Variants in TMEM38A observed in about 807,000 individuals in gnomAD.
TMEM38A encodes trimeric intracellular cation channel type A.
In TMEM38A, 17 loss-of-function variants were observed where a neutral mutation model predicts 28.6. That is an observed-to-expected ratio of 0.60 (90% CI 0.41 to 0.89). The LOEUF (loss-of-function observed/expected upper bound fraction) is 0.89, where lower values mean the gene tolerates loss of function less well. Ranked by LOEUF, TMEM38A falls within the 40% of genes least tolerant of loss-of-function variation. The probability of loss-of-function intolerance (pLI) is 0.00; values close to 1 mark genes in which losing one functional copy is unlikely to be tolerated. For synonymous variants in TMEM38A, 169 were observed against 166.1 expected (o/e 1.02, Z -0.14); for missense variants, 328 against 393.1 (o/e 0.83, Z 1.40).
Position 16,661,175 on chromosome 19 carries a change from C to G in TMEM38A, c.-43C>G. The G allele has an allele frequency of 8.0e-7, 1 of 1,243,058 alleles. No individual in the cohort carries two copies. The highest frequency in any genetic ancestry group is 3.7e-5 in the East Asian group (1 of 26,864). 77.0% of individuals were successfully genotyped at this position (1,243,058 alleles called of 1,614,324 possible). On this transcript the variant is annotated 5_prime_UTR_variant, in exon 1 of 6. Coordinates refer to ENST00000187762, the MANE Select transcript of TMEM38A (RefSeq NM_024074.4). This position sits in a 1 kb window ranked among gnomAD's most constrained non-coding sequence, Gnocchi z 6.5. ...GCCGCGGGCGGCGGGACGGACGAGGCCGGGGCCCCGGGTGGCACCCGGCAG... is the reference window on the plus strand; with the variant it reads ...GCCGCGGGCGGCGGGACGGACGAGGGCGGGGCCCCGGGTGGCACCCGGCAG...
chr19:16,678,041 G>A (rs527816997), intron 1 of TMEM38A, among the ~76,000 whole-genome samples: 3 of 152,270 alleles, frequency 2.0e-5, no homozygotes, highest in African/African-American at 7.2e-5. Context: ...TGAGGAGTGA[G>A]TGTTTAATAG....
rs2086801825 is a variant in TMEM38A at position 16,686,330 on chromosome 19, C to T, written c.597C>T (p.Leu199=). The change falls in exon 5 of 6, where the codon CTC becomes CTT. Residue 199 remains leucine (L), a synonymous_variant. Coordinates refer to ENST00000187762, the MANE Select transcript of TMEM38A (RefSeq NM_024074.4). Reference sequence around the variant, plus strand: ...TGTATGGAGCCATCCTCTTCACCCTCCAGCAGACCCGCTGGCTCCCAGTGT... The same window carrying T: ...TGTATGGAGCCATCCTCTTCACCCTTCAGCAGACCCGCTGGCTCCCAGTGT... The part of the protein sequence containing the change: ...ASLYGAILFT[L]QQTRWLPVSK... 6.2e-7 allele frequency: 1 copy of T among 1,613,330 alleles called. No homozygotes were observed. The highest frequency in any genetic ancestry group is 8.5e-7 in the Non-Finnish European group (1 of 1,180,002).
chr19:16,673,360 C>T (rs912525444), intron 1 of TMEM38A, among the ~76,000 whole-genome samples: 3 of 152,164 alleles, frequency 2.0e-5, no homozygotes, highest in African/African-American at 7.2e-5. Flanking sequence ...GGGTGAGCCA[C>T]TGCACCCAGC....
At position 16,670,300 on chromosome 19, in the gene TMEM38A, G is replaced by A. The variant is rs796468671; in HGVS notation, c.124+8959G>A. On this transcript the variant is annotated intron_variant, in intron 1 of 5. Transcript: ENST00000187762. ...TGTTTTTTTTTTTTTTTGAGACAGA[G>A]TTTTGCTCCTATTTCCCAGGTTGGA... Among the ~76,000 whole-genome samples the A allele has an allele frequency of 7.5e-5, 11 of 146,240 alleles. 1 individual carries two copies. Among genetic ancestry groups the A allele is most frequent in the African/African-American group, 2.8e-4 (11 of 38,880 alleles).
At chr19:16,672,680 C>T (rs903813191) in intron 1 of TMEM38A, among the ~76,000 whole-genome samples, 2 of 152,028 alleles carry the variant, frequency 1.3e-5, no homozygotes, top group Admixed American at 1.3e-4. Context: ...GAACTCCTGA[C>T]CTCAAGTGAT....
intron 1 of TMEM38A, among the ~76,000 whole-genome samples, chr19:16,669,409 G>C (rs537981710): frequency 4.0e-5 from 6 of 151,834 alleles, no homozygotes; most frequent in Admixed American, 2.0e-4. Flanking sequence ...GTTTCACCAT[G>C]TTGGCCAGGC....
At chr19:16,677,848 G>A (rs926673968) in intron 1 of TMEM38A, among the ~76,000 whole-genome samples, 3 of 152,048 alleles carry the variant, frequency 2.0e-5, no homozygotes, top group East Asian at 3.9e-4. Context: ...GTGAGCCACC[G>A]TGCCCAGCCC....
In TMEM38A at chr19:16,661,193, CCCGGCAGG is replaced by C. The variant is rs552734278; in HGVS notation, c.-23_-16del. On this transcript the variant is annotated 5_prime_UTR_variant, in exon 1 of 6. Coordinates refer to ENST00000187762, the MANE Select transcript of TMEM38A (RefSeq NM_024074.4). This position sits in a 1 kb window ranked among gnomAD's most constrained non-coding sequence, Gnocchi z 6.5. ...GACGAGGCCGGGGCCCCGGGTGGCA[CCCGGCAGG>C]CGGGCAGGCGGGCGCCATGGAGCTG... 610 of 1,365,060 alleles carry C rather than the reference CCCGGCAGG, an allele frequency of 4.5e-4. 5 individuals are homozygous for C. The Admixed American group carries it at 0.012, about 28-fold the overall frequency. The allele number at this position is 1,365,060 out of a possible 1,614,324, so 84.6% of individuals were successfully genotyped here. A position where few individuals can be genotyped will look rare whatever the true frequency, so the allele number is the denominator to read the frequency against.
At chr19:16,682,019 C>T (rs1192039289) in intron 3 of TMEM38A, among the ~76,000 whole-genome samples, 2 of 152,124 alleles carry the variant, frequency 1.3e-5, no homozygotes, top group Non-Finnish European at 2.9e-5. Context: ...TATAGCATCT[C>T]CTCCAGAGGA....
At chr19:16,677,776 TCGAACA>T (rs2086758605) in intron 1 of TMEM38A, among the ~76,000 whole-genome samples, 1 of 152,178 alleles carries the variant, frequency 6.6e-6, no homozygotes, top group Non-Finnish European at 1.5e-5. Flanking sequence ...CATGTTGGTC[TCGAACA>T]CCCAGGCTCA....
Position 16,661,144 on chromosome 19 carries a change from C to T in TMEM38A, c.-74C>T. The T allele has an allele frequency of 3.9e-6, 4 of 1,034,796 alleles. No individual in the cohort carries two copies. Among genetic ancestry groups the T allele is most frequent in the Non-Finnish European group, 4.6e-6 (4 of 861,698 alleles). 64.1% of individuals were successfully genotyped at this position (1,034,796 alleles called of 1,614,324 possible). A position where few individuals can be genotyped will look rare whatever the true frequency, so the allele number is the denominator to read the frequency against. ...GCGGGCCCAGCTGCGGGGGCGCAGT[C>T]GCCGGGCCGCGGGCGGCGGGACGGA... is the stretch of plus-strand genomic sequence containing the variant. On this transcript the variant is annotated 5_prime_UTR_variant, in exon 1 of 6. Transcript: ENST00000187762. The surrounding 1 kb of genome is among the most constrained non-coding windows in gnomAD (Gnocchi z 6.5).
In TMEM38A at chr19:16,689,290, G is replaced by A. The variant is rs898879601; in HGVS notation, c.*919G>A. On this transcript the variant is annotated 3_prime_UTR_variant, in exon 6 of 6. Transcript: ENST00000187762. ...TGTACGGAAGGGCCGATGCGAAGCT[G>A]CAGTTAAAAAAGGCTCACATGCTCC... The A allele has an allele frequency of 6.6e-6, 1 of 152,234 alleles. No individual in the cohort carries two copies. The highest frequency in any genetic ancestry group is 1.5e-5 in the Non-Finnish European group (1 of 68,058). 9.4% of individuals were successfully genotyped at this position (152,234 alleles called of 1,614,324 possible). A position where few individuals can be genotyped will look rare whatever the true frequency, so the allele number is the denominator to read the frequency against.
At chr19:16,680,910 A>G (rs2086779189) in intron 3 of TMEM38A, 1 of 268,906 alleles carries the variant, frequency 3.7e-6, no homozygotes, top group African/African-American at 2.2e-5. Flanking sequence ...GCACTATAGG[A>G]TGTTGAACAG....
At chr19:16,669,160 G>A (rs2086716129) in intron 1 of TMEM38A, among the ~76,000 whole-genome samples, 1 of 151,108 alleles carries the variant, frequency 6.6e-6, no homozygotes, top group Admixed American at 6.6e-5. Flanking sequence ...GATGTTTCAT[G>A]GTTTGTTTAT....
At chr19:16,678,015 G>A (rs2086759990) in intron 1 of TMEM38A, among the ~76,000 whole-genome samples, 1 of 152,126 alleles carries the variant, frequency 6.6e-6, no homozygotes, top group East Asian at 1.9e-4. Flanking sequence ...GGTGCCAGGG[G>A]CTAGGCGATG....
At position 16,681,740 on chromosome 19, in the gene TMEM38A, C is replaced by T. The variant is rs145590676; in HGVS notation, c.467-681C>T. On this transcript the variant is annotated intron_variant, in intron 3 of 5. Transcript: ENST00000187762. ...TCACTAAATACCAGTAGCGCTCCCT[C>T]CCCAGCTGTGACAACTCAAAGTGTT... is the stretch of plus-strand genomic sequence containing the variant. Among the ~76,000 whole-genome samples, 181 of 152,234 alleles carry T rather than the reference C, an allele frequency of 1.2e-3. No homozygotes were observed. The Middle Eastern group carries it at 0.014, about 11-fold the overall frequency.
At chr19:16,678,689 C>T (rs1182373349) in intron 1 of TMEM38A, among the ~76,000 whole-genome samples, 1 of 143,508 alleles carries the variant, frequency 7.0e-6, no homozygotes, top group Non-Finnish European at 1.5e-5. Flanking sequence ...TGTTTGAGCC[C>T]AGGAAGTCAA....
At chr19:16,669,049 C>G (rs897476794) in intron 1 of TMEM38A, among the ~76,000 whole-genome samples, 8 of 149,900 alleles carry the variant, frequency 5.3e-5, no homozygotes, top group Non-Finnish European at 8.9e-5. Flanking sequence ...AGGCTGGTCT[C>G]GAACTCCCGA....
At chr19:16,663,165 T>C (rs1568311940) in intron 1 of TMEM38A, among the ~76,000 whole-genome samples, 1 of 151,736 alleles carries the variant, frequency 6.6e-6, no homozygotes, top group African/African-American at 2.4e-5. Flanking sequence ...CTTGTAATCC[T>C]AGCTGCTTGG....
Sources: allele counts gnomAD v4.1 joint callset (sites outside exome capture counted in the v4.1 genomes callset), GRCh38; gene constraint gnomAD v4.1.1; non-coding constraint Gnocchi (gnomAD v3.1); transcripts MANE v1.5; gene names NCBI Gene and HGNC (gene_info 2026-07-23, HGNC 2026-07-21).